TOP3A: variants seen among roughly 807,000 people sequenced by gnomAD.
TOP3A encodes DNA topoisomerase 3-alpha.
A neutral mutation model predicts 111.3 loss-of-function variants in TOP3A; 64 were observed. The observed-to-expected ratio is 0.57, with a 90% CI of 0.47 to 0.71. The LOEUF is 0.71. Ranked by LOEUF, TOP3A falls within the 30% of genes least tolerant of loss-of-function variation. The pLI is 0.00. For missense variants in TOP3A, 1,104 were observed against 1,285.0 expected, an observed-to-expected ratio of 0.86 and a Z score of 2.15; for synonymous variants, 484 against 485.1, an observed-to-expected ratio of 1.00 and a Z score of 0.03.
chr17:18,300,179 C>A (rs1981138254), intron 8 of TOP3A, among the ~76,000 whole-genome samples: 1 of 71,036 alleles, frequency 1.4e-5, no homozygotes, highest in South Asian at 3.2e-4. Context: ...GGGCGGATTA[C>A]AAGGTCGAGA....
intron 1 of TOP3A, chr17:18,312,127 GGGATTGACCA>G (rs1177043169): frequency 6.6e-6 from 1 of 152,332 alleles, no homozygotes; most frequent in East Asian, 1.9e-4. Context: ...TGTGCCACCT[GGGATTGACCA>G]GTTCACCCAG....
In TOP3A at chr17:18,272,525, T is replaced by C. The variant is rs529521087; in HGVS notation, c.*2277A>G. Among the ~76,000 whole-genome samples the C allele has an allele frequency of 2.0e-3, 301 of 152,314 alleles. 1 individual carries two copies. Among genetic ancestry groups the C allele is most frequent in the Middle Eastern group, 6.8e-3 (2 of 294 alleles). On this transcript the variant is annotated 3_prime_UTR_variant, in exon 19 of 19. Transcript: ENST00000321105. The stretch of plus-strand genomic sequence containing the variant: ...TAGCCAAAAAGTGGAAACAACCCAA[T>C]GTCCATCAACTGACAAATGGATAAT...
At position 18,314,613 on chromosome 17, in the gene TOP3A, C is replaced by A. The variant is rs1268236022; in HGVS notation, c.166G>T (p.Gly56Cys). The A allele has an allele frequency of 1.9e-6, 3 of 1,610,416 alleles. No homozygotes were observed. Among genetic ancestry groups the A allele is most frequent in the Non-Finnish European group, 2.5e-6 (3 of 1,178,122 alleles). Residue 56 changes from glycine (G) to cysteine (C), a missense_variant, in exon 1 of 19, where the codon GGT (glycine) becomes TGT (cysteine). By Grantham distance (159) the Gly-to-Cys change is radical (BLOSUM62 -3). Coordinates refer to ENST00000321105, the MANE Select transcript of TOP3A (RefSeq NM_004618.5). ...CGCTTTCTTACCCGCCTCATGCGAC[C>A]GTTTGACAGCAGGTCGGCGATCCCC... ...AKGIADLLSNGRMRRREGLSK... is the reference protein window; with the variant it reads ...AKGIADLLSNCRMRRREGLSK...
chr17:18,282,921 C>T, intron 15 of TOP3A, 80 bp from the exon 16 acceptor site: 1 of 1,557,476 alleles, frequency 6.4e-7, no homozygotes, highest in South Asian at 1.2e-5. Context: ...ATGCACACAA[C>T]AGGCGTGACC....
chr17:18,284,896 G>C (rs2142948258), intron 15 of TOP3A, among the ~76,000 whole-genome samples: 1 of 152,340 alleles, frequency 6.6e-6, no homozygotes, highest in East Asian at 1.9e-4. Context: ...TCTATGGAGA[G>C]TTGTAAAAGA....
chr17:18,296,148 C>G (rs916193363), intron 9 of TOP3A, among the ~76,000 whole-genome samples: 8 of 152,220 alleles, frequency 5.3e-5, no homozygotes, highest in African/African-American at 1.4e-4. Flanking sequence ...GAATACCACC[C>G]AAGCCCCAGT....
chr17:18,289,496 T>C (rs946301994), intron 13 of TOP3A, among the ~76,000 whole-genome samples: 1 of 152,208 alleles, frequency 6.6e-6, no homozygotes, highest in African/African-American at 2.4e-5. Context: ...GTTGGTGGTC[T>C]TAAACTCCCT....
chr17:18,282,652 G>A (rs1279343795), intron 16 of TOP3A, 46 bp downstream of exon 16: 10 of 1,609,488 alleles, frequency 6.2e-6, no homozygotes, highest in African/African-American at 2.7e-5. Flanking sequence ...GGCTGACACC[G>A]CAGGTGCTGG....
At chr17:18,291,059 C>A in intron 11 of TOP3A, 32 bp from the exon 12 acceptor site, 1 of 1,602,698 alleles carries the variant, frequency 6.2e-7, no homozygotes, top group South Asian at 1.1e-5. Context: ...GAAACTCCCC[C>A]TAGAATATCA....
At chr17:18,305,261 G>T (rs369175761) in intron 4 of TOP3A, 41 bp from the exon 5 acceptor site, 29 of 1,498,076 alleles carry the variant, frequency 1.9e-5, no homozygotes, top group Non-Finnish European at 2.5e-5. Context: ...GAACAGAATT[G>T]CACAACAGTG....
chr17:18,309,750 C>A (rs1255286608), intron 1 of TOP3A, among the ~76,000 whole-genome samples: 6 of 145,062 alleles, frequency 4.1e-5, no homozygotes, highest in Admixed American at 1.4e-4. Flanking sequence ...GGCTCTGTCG[C>A]CCAGGCTGGA....
chr17:18,297,483 T>C (rs1288461280), intron 9 of TOP3A, among the ~76,000 whole-genome samples: 4 of 151,928 alleles, frequency 2.6e-5, no homozygotes, highest in Non-Finnish European at 5.9e-5. Context: ...CTCTCCACGG[T>C]CTCCCTCTGA....
intron 8 of TOP3A, among the ~76,000 whole-genome samples, chr17:18,300,154 T>A (rs937524681): frequency 1.4e-5 from 2 of 143,302 alleles, no homozygotes; most frequent in African/African-American, 2.7e-5. Context: ...TCCCACCACT[T>A]TGGGAGGCCG....
chr17:18,280,624 G>C lies in TOP3A; in HGVS notation c.2056C>G (p.Arg686Gly). The C allele has an allele frequency of 6.2e-7, 1 of 1,614,082 alleles. No individual in the cohort carries two copies. ...YLSCMGFPEC[R>G]SAVWLPDSVL... ...GAGTCAGGAAGCCACACAGCTGAGC[G>C]ACACTCTGGGAAACCCATGCAGCTG... The change falls in exon 17 of 19, where the codon CGC becomes GGC. Residue 686 changes from arginine to glycine, a missense_variant. Arg to Gly is a moderately radical substitution (Grantham distance 125, BLOSUM62 -2). Transcript: ENST00000321105.
chr17:18,286,854 A>C (rs1012571725), intron 13 of TOP3A, among the ~76,000 whole-genome samples: 2 of 152,168 alleles, frequency 1.3e-5, no homozygotes, highest in African/African-American at 4.8e-5. Flanking sequence ...TCAAGTGTCC[A>C]TCAACTGCAA....
At position 18,300,483 on chromosome 17, in the gene TOP3A, G is replaced by A. The variant is rs137985116; in HGVS notation, c.916-850C>T. On this transcript the variant is annotated intron_variant, in intron 8 of 18. Coordinates refer to ENST00000321105, the MANE Select transcript of TOP3A (RefSeq NM_004618.5). The stretch of plus-strand genomic sequence containing the variant: ...CTTCATAGTTTACATCACCCACCAC[G>A]TAGTCCCGCACCACATCCGAGTGAA... 7.4e-4 allele frequency among the ~76,000 whole-genome samples: 113 copies of A among 152,110 alleles called. No individual in the cohort carries two copies. In the East Asian group the frequency reaches 0.02, roughly 27 times the overall value.
chr17:18,299,095 A>G (rs28419113), intron 9 of TOP3A, among the ~76,000 whole-genome samples: 58,232 of 151,290 alleles, frequency 0.38, 12,861 homozygotes, highest in African/African-American at 0.6. Context: ...AAAAAAGAGC[A>G]AAACTCCATC....
Position 18,292,737 on chromosome 17 carries a change from G to C in TOP3A, c.1189C>G (p.Leu397Val). The C allele has an allele frequency of 6.2e-7, 1 of 1,613,498 alleles. No individual in the cohort carries two copies. The highest frequency in any genetic ancestry group is 8.5e-7 in the Non-Finnish European group (1 of 1,179,592). The change falls in exon 11 of 19, where the codon CTA becomes GTA. Residue 397 changes from leucine (L) to valine (V), a missense_variant. Transcript: ENST00000321105. ...CGTGGGGTGGGACCACCCCGCTCTA[G>C]AATGCTCTGGGCAAAGGCCCCCCAG... is the stretch of plus-strand genomic sequence containing the variant. The part of the protein sequence containing the change: ...PRWGAFAQSI[L>V]ERGGPTPRNG...
At position 18,278,181 on chromosome 17, in the gene TOP3A, C is replaced by T; in HGVS notation, c.2321G>A (p.Arg774Lys). 3.1e-6 allele frequency: 5 copies of T among 1,613,888 alleles called. No homozygotes were observed. Among genetic ancestry groups the T allele is most frequent in the Non-Finnish European group, 4.2e-6 (5 of 1,179,842 alleles). ...GRLQANQSLN[R>K]MDNSQHPQPA... is the part of the protein sequence containing the mutation. ...CTGGGGGTGCTGGCTGTTGTCCATC[C>T]TGTTCAGGGACTGGTTAGCCTGCAG... is the stretch of plus-strand genomic sequence containing the variant. The change falls in exon 18 of 19, where the codon AGG becomes AAG. Residue 774 changes from arginine to lysine, a missense_variant. Physicochemically the swap from Arg to Lys is conservative, Grantham distance 26. Transcript: ENST00000321105.
Sources: allele counts gnomAD v4.1 joint callset (sites outside exome capture counted in the v4.1 genomes callset), GRCh38; gene constraint gnomAD v4.1.1; transcripts MANE v1.5; gene names NCBI Gene and HGNC (gene_info 2026-07-23, HGNC 2026-07-21).